Variants in PRAG1 observed in about 807,000 individuals in gnomAD.
PRAG1 encodes PEAK1 related, kinase-activating pseudokinase 1, also known as inactive tyrosine-protein kinase PRAG1.
A neutral mutation model predicts 95.6 loss-of-function variants in PRAG1; 110 were observed. The ratio of observed to expected loss-of-function variants is 1.15; its 90% CI spans 0.99 to 1.35. The LOEUF is 1.35. Ranked by LOEUF, PRAG1 falls within the 40% of genes most tolerant of loss-of-function variation. PRAG1 has a pLI of 0.00. For synonymous variants in PRAG1, 1,052 were observed against 819.4 expected (o/e 1.28, Z -4.85); for missense variants, 2,554 against 1,864.7 (o/e 1.37, Z -6.81).
intron 5 of PRAG1, among the ~76,000 whole-genome samples, chr8:8,322,944 C>T (rs1052551838): frequency 1.4e-4 from 21 of 152,176 alleles, no homozygotes; most frequent in African/African-American, 4.1e-4. Context: ...GTCTCAGGAT[C>T]TCCTGAGGGC....
chr8:8,319,213 G>A lies in PRAG1; in HGVS notation c.3162C>T (p.Phe1054=). ...HFNIQQDCGH[F]VASVPSSMLS... Reference sequence around the variant, plus strand: ...GCATGCTGGACGGCACCGAGGCGACGAAGTGGCCGCAGTCCTGCTGGATGT... The same window carrying A: ...GCATGCTGGACGGCACCGAGGCGACAAAGTGGCCGCAGTCCTGCTGGATGT... Residue 1054 remains phenylalanine (F), a synonymous_variant, in exon 6 of 6, where the codon TTC becomes TTT. Coordinates refer to ENST00000615670, the MANE Select transcript of PRAG1 (RefSeq NM_001080826.3). 6.3e-7 allele frequency: 1 copy of A among 1,584,368 alleles called. No homozygotes were observed.
intron 3 of PRAG1, among the ~76,000 whole-genome samples, chr8:8,349,335 C>A (rs1343577296): frequency 6.6e-6 from 1 of 151,946 alleles, no homozygotes; most frequent in Admixed American, 6.6e-5. Context: ...GGCTGGAGTG[C>A]AGTGGCATCA....
intron 5 of PRAG1, among the ~76,000 whole-genome samples, chr8:8,321,494 T>C (rs773448909): frequency 5.9e-5 from 9 of 152,170 alleles, no homozygotes; most frequent in Non-Finnish European, 1.3e-4. Flanking sequence ...ATATACGCTG[T>C]GTTGTCAGTG....
intron 3 of PRAG1, among the ~76,000 whole-genome samples, chr8:8,367,046 C>T (rs71513190): frequency 6.6e-6 from 1 of 152,082 alleles, no homozygotes; most frequent in African/African-American, 2.4e-5. Context: ...TGACATGTAT[C>T]TGCACCCCCA....
Position 8,328,007 on chromosome 8 carries a change from C to G in PRAG1, c.2775G>C (p.Val925=). 1 of 1,588,194 alleles carries G rather than the reference C, an allele frequency of 6.3e-7. No homozygotes were observed. The highest frequency in any genetic ancestry group is 2.2e-5 in the East Asian group (1 of 44,630). The change falls in exon 5 of 6, where the codon GTG becomes GTC. Residue 925 remains valine, a synonymous_variant. Coordinates refer to ENST00000615670, the MANE Select transcript of PRAG1 (RefSeq NM_001080826.3). Reference sequence around the variant, plus strand: ...TGCTCCCGGTGGAGGCTTGACTGGACACGCTCAGCTGGGAGGATGAGGCGG... The same window carrying G: ...TGCTCCCGGTGGAGGCTTGACTGGAGACGCTCAGCTGGGAGGATGAGGCGG... ...APSASSSQLS[V]SSQASTGSTQ... is the part of the protein sequence containing the mutation.
At chr8:8,364,067 C>A (rs1799930013) in intron 3 of PRAG1, among the ~76,000 whole-genome samples, 1 of 152,160 alleles carries the variant, frequency 6.6e-6, no homozygotes, top group Non-Finnish European at 1.5e-5. Context: ...TTGTTTATGT[C>A]CCCTTACTGA....
chr8:8,328,361 A>G lies in PRAG1; in HGVS notation c.2421T>C (p.Ser807=). ...GGAGTGGAGGGGGCTGCTGGGGGCC[A>G]CTGGGGGACACGTCCTCAGTGGAGC... ...PSGSTEDVSP[S]GPQQPPPLPQ... is the part of the protein sequence containing the mutation. Residue 807 remains serine, a synonymous_variant, in exon 5 of 6, where the codon AGT becomes AGC. Transcript: ENST00000615670. The G allele has an allele frequency of 6.2e-7, 1 of 1,613,196 alleles. No homozygotes were observed. The highest frequency in any genetic ancestry group is 8.5e-7 in the Non-Finnish European group (1 of 1,179,736).
Position 8,376,916 on chromosome 8 carries a change from C to A in PRAG1, c.1493G>T (p.Gly498Val), listed in dbSNP as rs774845651. ...CACAGGCCCTCGTGGCCACTGCACCCCCACTGCAGAGTCAGGGCTGCTCAG... is the reference window on the plus strand; with the variant it reads ...CACAGGCCCTCGTGGCCACTGCACCACCACTGCAGAGTCAGGGCTGCTCAG... ...IYLSSPDSAVGVQWPRGPVSQ... is the reference protein window; with the variant it reads ...IYLSSPDSAVVVQWPRGPVSQ... Residue 498 changes from glycine (G) to valine (V), a missense_variant, in exon 3 of 6, where the codon GGG (glycine) becomes GTG (valine). Gly to Val is a moderately radical substitution (Grantham distance 109). Coordinates refer to ENST00000615670, the MANE Select transcript of PRAG1 (RefSeq NM_001080826.3). 2.5e-6 allele frequency: 4 copies of A among 1,613,422 alleles called. No individual in the cohort carries two copies. In the South Asian group the frequency reaches 4.4e-5, roughly 18 times the overall value.
intron 4 of PRAG1, among the ~76,000 whole-genome samples, chr8:8,332,460 G>A (rs541748543): frequency 5.1e-4 from 78 of 152,092 alleles, no homozygotes; most frequent in African/African-American, 1.7e-3. Flanking sequence ...TACTGTGCCC[G>A]GTCTATTATG....
intron 4 of PRAG1, 28 bp downstream of exon 4, chr8:8,339,450 G>C (rs1374025202): frequency 6.2e-7 from 1 of 1,610,184 alleles, no homozygotes; most frequent in Admixed American, 1.7e-5. Context: ...GAGAATCTAA[G>C]CCTCTCCGTC....
intron 4 of PRAG1, among the ~76,000 whole-genome samples, chr8:8,329,732 A>T (rs1798759880): frequency 6.6e-6 from 1 of 152,214 alleles, no homozygotes; most frequent in Non-Finnish European, 1.5e-5. Context: ...GGAACAGAAT[A>T]GATCCCTGAG....
At chr8:8,339,692 C>T (rs955534111) in intron 3 of PRAG1, 57 bp from the exon 4 acceptor site, 8 of 1,538,398 alleles carry the variant, frequency 5.2e-6, no homozygotes, top group Non-Finnish European at 6.3e-6. Flanking sequence ...ATTCAGAAAC[C>T]AGGCTGATGG....
chr8:8,344,224 T>G (rs1372691641), intron 3 of PRAG1, among the ~76,000 whole-genome samples: 1 of 152,230 alleles, frequency 6.6e-6, no homozygotes, highest in East Asian at 1.9e-4. Flanking sequence ...TTCTAAACTG[T>G]TGAACGGTGC....
rs774354623 is a variant in PRAG1 at position 8,377,979 on chromosome 8, C to G, written c.430G>C (p.Gly144Arg). ...TTGCCATCAGGGGAGGTAGAGGGACCAGCAGGCTTCTGTACACCTCGGAAG... is the reference window on the plus strand; with the variant it reads ...TTGCCATCAGGGGAGGTAGAGGGACGAGCAGGCTTCTGTACACCTCGGAAG... Reference protein sequence around the residue: ...GSFRGVQKPAGPSTSPDGNSR... With the variant: ...GSFRGVQKPARPSTSPDGNSR... Residue 144 changes from glycine to arginine, a missense_variant, in exon 3 of 6, where the codon GGT (glycine) becomes CGT (arginine). Gly to Arg is a moderately radical substitution (Grantham distance 125). Transcript: ENST00000615670. 6.2e-7 allele frequency: 1 copy of G among 1,613,036 alleles called. No individual in the cohort carries two copies. The highest frequency in any genetic ancestry group is 1.7e-5 in the Admixed American group (1 of 59,944).
Position 8,339,504 on chromosome 8 carries a change from G to C in PRAG1, c.2294C>G (p.Ser765Ter). 6.2e-7 allele frequency: 1 copy of C among 1,614,182 alleles called. No homozygotes were observed. The highest frequency in any genetic ancestry group is 8.5e-7 in the Non-Finnish European group (1 of 1,180,036). The change falls in exon 4 of 6, where the codon TCA (serine) becomes TGA (stop). Residue 765 changes from serine to a stop codon, truncating the protein, a stop_gained. Transcript: ENST00000615670. LOFTEE classifies it high-confidence loss of function. Reference sequence around the variant, plus strand: ...TCCATCGCTGCAGGTCCTAGAGTCTGAGGCCAGGCTGTCCGTGGAGCCGGT... The same window carrying C: ...TCCATCGCTGCAGGTCCTAGAGTCTCAGGCCAGGCTGTCCGTGGAGCCGGT... ...FTTGSTDSLASDSRTCSDGGP... is the reference protein window; with the variant it reads ...FTTGSTDSLA
At chr8:8,373,454 A>ATTGTTTTTTTTGTTT (rs1470559658) in intron 3 of PRAG1, among the ~76,000 whole-genome samples, 2,649 of 138,322 alleles carry the variant, frequency 0.019, 116 homozygotes, top group African/African-American at 0.069. Context: ...TATTTTCTAG[A>ATTGTTTTTTTTGTTT]TTTTTTTTTT....
intron 3 of PRAG1, among the ~76,000 whole-genome samples, chr8:8,340,901 A>T (rs1398337487): frequency 2.6e-5 from 4 of 152,224 alleles, no homozygotes; most frequent in Admixed American, 2.6e-4. Context: ...GTATCTCAGT[A>T]TCGCTGTGGG....
Position 8,377,831 on chromosome 8 carries a change from G to A in PRAG1, c.578C>T (p.Pro193Leu), listed in dbSNP as rs185901694. ...PEEKAVHKEK[P>L]SFPYQDRPST... is the part of the protein sequence containing the mutation. ...GGGCCGGTCTTGGTAAGGAAATGAGGGTTTTTCTTTGTGCACAGCCTTCTC... is the reference window on the plus strand; with the variant it reads ...GGGCCGGTCTTGGTAAGGAAATGAGAGTTTTTCTTTGTGCACAGCCTTCTC... The change falls in exon 3 of 6, where the codon CCC becomes CTC. Residue 193 changes from proline to leucine, a missense_variant. Physicochemically the swap from Pro to Leu is moderately conservative, Grantham distance 98 (BLOSUM62 -3). Coordinates refer to ENST00000615670, the MANE Select transcript of PRAG1 (RefSeq NM_001080826.3). 3.4e-5 allele frequency: 55 copies of A among 1,614,124 alleles called. No individual in the cohort carries two copies. In the East Asian group the frequency reaches 1.2e-3, roughly 35 times the overall value.
At chr8:8,350,976 A>G (rs887821796) in intron 3 of PRAG1, among the ~76,000 whole-genome samples, 2 of 152,188 alleles carry the variant, frequency 1.3e-5, no homozygotes, top group African/African-American at 4.8e-5. Context: ...AGATCAATGG[A>G]TGGATAAACA....
Sources: gnomAD v4.1 joint callset for allele counts (sites outside exome capture counted in the v4.1 genomes callset) on GRCh38, gnomAD v4.1.1 for gene constraint, MANE v1.5 for transcripts, NCBI Gene and HGNC (gene_info 2026-07-23, HGNC 2026-07-21) for gene names.